Variants in SZT2 observed in about 807,000 individuals in gnomAD.
SZT2 encodes the protein KICSTOR complex protein SZT2.
SZT2 carries 216 observed loss-of-function variants against 404.2 expected under a neutral mutation model. The ratio of observed to expected loss-of-function variants is 0.53; its 90% CI spans 0.48 to 0.60. SZT2 has a LOEUF of 0.60. Among genes scored for constraint, SZT2 ranks in the 20% least tolerant of loss-of-function variants. The pLI, the probability that SZT2 is intolerant of heterozygous loss-of-function variation, is 0.00. For synonymous variants in SZT2, 1,693 were observed against 1,749.9 expected (o/e 0.97, Z 0.81); for missense variants, 3,857 against 4,459.2 (o/e 0.86, Z 3.85).
At position 43,439,194 on chromosome 1, in the gene SZT2, AT is replaced by A; in HGVS notation, c.6792+102del. On this transcript the variant is annotated intron_variant, in intron 48 of 71. Coordinates refer to ENST00000634258, the MANE Select transcript of SZT2 (RefSeq NM_001365999.1). The surrounding 1 kb of genome is among the most constrained non-coding windows in gnomAD (Gnocchi z 4.2). ...GATACCCCTATATGTACCTTTGCCC[AT>A]GGACCTGGGTACACCCATGCCCCCC... is the stretch of plus-strand genomic sequence containing the variant. 1 of 1,573,772 alleles carries A rather than the reference AT, an allele frequency of 6.4e-7. No individual in the cohort carries two copies. The highest frequency in any genetic ancestry group is 8.7e-7 in the Non-Finnish European group (1 of 1,151,114).
Position 43,428,370 on chromosome 1 carries a change from T to A in SZT2, c.4050T>A (p.Thr1350=). The part of the protein sequence containing the change: ...TPFLLALCGH[T]WGLPHAPPSP... The stretch of plus-strand genomic sequence containing the variant: ...TTCTCCTTGCATTGTGTGGCCACAC[T>A]TGGGGTTTGCCTCATGCACCCCCAA... Residue 1350 remains threonine (T), a synonymous_variant, in exon 28 of 72, where the codon ACT becomes ACA. Coordinates refer to ENST00000634258, the MANE Select transcript of SZT2 (RefSeq NM_001365999.1). The A allele has an allele frequency of 6.2e-7, 1 of 1,614,184 alleles. No individual in the cohort carries two copies. The highest frequency in any genetic ancestry group is 1.1e-5 in the South Asian group (1 of 91,088).
Position 43,441,393 on chromosome 1 carries a change from T to C in SZT2, c.7511+13T>C, listed in dbSNP as rs995403602. 1.9e-6 allele frequency: 3 copies of C among 1,613,638 alleles called. No individual in the cohort carries two copies. The stretch of plus-strand genomic sequence containing the variant: ...CCCAGAGACAAAAGTATGTGTGTGG[T>C]GGTGGTGTGCCCTGGGAGGGTATGG... On this transcript the variant is annotated intron_variant, in intron 53 of 71. Coordinates refer to ENST00000634258, the MANE Select transcript of SZT2 (RefSeq NM_001365999.1). This position sits in a 1 kb window ranked among gnomAD's most constrained non-coding sequence, Gnocchi z 4.8.
intron 2 of SZT2, 59 bp from the exon 3 acceptor site, chr1:43,403,542 C>T (rs905261181): frequency 6.4e-7 from 1 of 1,571,278 alleles, no homozygotes; most frequent in Admixed American, 1.7e-5. Flanking sequence ...GAAGGCAGGT[C>T]CTGGGAAGAA....
At chr1:43,409,167 A>G (rs1403462621) in intron 4 of SZT2, among the ~76,000 whole-genome samples, 1 of 152,260 alleles carries the variant, frequency 6.6e-6, no homozygotes, top group East Asian at 1.9e-4. Context: ...TCCTTGCTTC[A>G]GCACCTTGAA....
chr1:43,414,000 G>C (rs1317641692), intron 4 of SZT2, among the ~76,000 whole-genome samples: 2 of 152,184 alleles, frequency 1.3e-5, no homozygotes, highest in African/African-American at 4.8e-5. Flanking sequence ...TGCCTGAGGT[G>C]GGTAGGCATG....
At chr1:43,393,096 T>C (rs571621722) in intron 1 of SZT2, among the ~76,000 whole-genome samples, 1 of 152,024 alleles carries the variant, frequency 6.6e-6, no homozygotes, top group South Asian at 2.1e-4. Flanking sequence ...AGGCAAGGGG[T>C]TGTGAATAGG....
Position 43,454,032 on chromosome 1 carries a change from G to A in SZT2, c.*3552G>A, listed in dbSNP as rs1458067352. The A allele has an allele frequency of 3.5e-6, 4 of 1,157,942 alleles. No homozygotes were observed. The highest frequency in any genetic ancestry group is 4.2e-6 in the Non-Finnish European group (4 of 941,674). The allele number at this position is 1,157,942 out of a possible 1,614,324, so 71.7% of individuals were successfully genotyped here. A position where few individuals can be genotyped will look rare whatever the true frequency, so the allele number is the denominator to read the frequency against. Reference sequence around the variant, plus strand: ...CGGAGCGAGGGCGGCCGGAAAAGGAGCAGGACCCGCGCCTGGAGAAGGTAG... The same window carrying A: ...CGGAGCGAGGGCGGCCGGAAAAGGAACAGGACCCGCGCCTGGAGAAGGTAG... On this transcript the variant is annotated 3_prime_UTR_variant, in exon 72 of 72. Transcript: ENST00000634258.
rs756511147 is a variant in SZT2, at chr1:43,438,757, G to A, written c.6567G>A (p.Thr2189=). Reference sequence around the variant, plus strand: ...TATGTCGGCGCCTGGATGAGGCCACGCTGGACGTCATCACAGTTATGCTTG... The same window carrying A: ...TATGTCGGCGCCTGGATGAGGCCACACTGGACGTCATCACAGTTATGCTTG... ...RVLCRRLDEA[T]LDVITVMLVR... Residue 2189 remains threonine, a synonymous_variant, in exon 47 of 72, where the codon ACG becomes ACA. Transcript: ENST00000634258. The A allele has an allele frequency of 1.5e-5, 25 of 1,614,004 alleles. No individual in the cohort carries two copies. Among genetic ancestry groups the A allele is most frequent in the Admixed American group, 3.3e-5 (2 of 59,998 alleles).
At chr1:43,433,609 C>G (rs550918642) in intron 40 of SZT2, among the ~76,000 whole-genome samples, 3 of 152,272 alleles carry the variant, frequency 2.0e-5, no homozygotes, top group Non-Finnish European at 2.9e-5. Flanking sequence ...TGGTGAAACC[C>G]CGTCTCCATT....
chr1:43,446,164 T>TAA lies in SZT2; in HGVS notation c.8917-15_8917-14insAA, dbSNP rs767955411. 1.8e-5 allele frequency: 29 copies of TAA among 1,614,156 alleles called. No homozygotes were observed. The African/African-American group carries it at 2.8e-4, about 16-fold the overall frequency. On this transcript the variant is annotated splice_polypyrimidine_tract_variant and intron_variant, in intron 63 of 71. Coordinates refer to ENST00000634258, the MANE Select transcript of SZT2 (RefSeq NM_001365999.1). ...GGTGAGCCCCCAAACCTTGCCCCCT[T>TAA]TTTTGTTTCTTCAGAGCACTAGCTC...
chr1:43,404,230 A>T (rs1650024273), intron 3 of SZT2, 150 bp from the exon 4 acceptor site: 2 of 673,104 alleles, frequency 3.0e-6, no homozygotes, highest in Non-Finnish European at 4.9e-6. Flanking sequence ...TCCAAAAAAC[A>T]CCCCAGAAAC....
At chr1:43,403,819 G>T (rs751715919) in intron 3 of SZT2, 45 bp downstream of exon 3, 1 of 1,598,980 alleles carries the variant, frequency 6.3e-7, no homozygotes, top group Admixed American at 1.7e-5. Context: ...ATGGGGTGGG[G>T]TGTGAGGAGA....
At chr1:43,391,044 C>T (rs895974794) in intron 1 of SZT2, among the ~76,000 whole-genome samples, 1 of 152,172 alleles carries the variant, frequency 6.6e-6, no homozygotes, top group Admixed American at 6.5e-5. Flanking sequence ...AAGCCGGGCG[C>T]AGTGGCTTAC....
chr1:43,440,499 A>G lies in SZT2; in HGVS notation c.7257A>G (p.Arg2419=). 2 of 1,608,790 alleles carry G rather than the reference A, an allele frequency of 1.2e-6. No homozygotes were observed. The highest frequency in any genetic ancestry group is 1.7e-6 in the Non-Finnish European group (2 of 1,177,750). Reference sequence around the variant, plus strand: ...TGGAAACTAAGAGCTCTGCAGGCCGAGCTAGCACCTTTCCCCCTGCCCCTG... The same window carrying G: ...TGGAAACTAAGAGCTCTGCAGGCCGGGCTAGCACCTTTCCCCCTGCCCCTG... The part of the protein sequence containing the change: ...GSLETKSSAG[R]ASTFPPAPVP... The change falls in exon 52 of 72, where the codon CGA becomes CGG. Residue 2419 remains arginine, a synonymous_variant. Coordinates refer to ENST00000634258, the MANE Select transcript of SZT2 (RefSeq NM_001365999.1).
chr1:43,443,976 G>A (rs1047987948), intron 62 of SZT2, among the ~76,000 whole-genome samples, 180 bp downstream of exon 62: 3 of 152,164 alleles, frequency 2.0e-5, no homozygotes, highest in East Asian at 1.9e-4. Flanking sequence ...GCCCTCATGC[G>A]TGTCCTGCAG....
intron 42 of SZT2, chr1:43,435,972 G>C (rs1403913348): frequency 6.6e-6 from 1 of 152,192 alleles, no homozygotes; most frequent in Non-Finnish European, 1.5e-5. Flanking sequence ...GAGCCTGAAG[G>C]CCAGTAGAAT....
At chr1:43,404,312 C>T in intron 3 of SZT2, 68 bp from the exon 4 acceptor site, 5 of 1,379,904 alleles carry the variant, frequency 3.6e-6, no homozygotes, top group Non-Finnish European at 5.0e-6. Flanking sequence ...CCCATGGAAG[C>T]TGCATGTTTC....
Position 43,450,532 on chromosome 1 carries a change from C to T in SZT2, c.*52C>T, listed in dbSNP as rs561562297. On this transcript the variant is annotated 3_prime_UTR_variant, in exon 72 of 72. Coordinates refer to ENST00000634258, the MANE Select transcript of SZT2 (RefSeq NM_001365999.1). This position sits in a 1 kb window ranked among gnomAD's most constrained non-coding sequence, Gnocchi z 4.3. ...ACTGTTCCTTGAATCATGGGCCTAC[C>T]AGATTGCCTGCCAGAGGCAGGACTG... 9 of 1,608,036 alleles carry T rather than the reference C, an allele frequency of 5.6e-6. No individual in the cohort carries two copies. The highest frequency in any genetic ancestry group is 2.2e-5 in the East Asian group (1 of 44,766).
intron 7 of SZT2, among the ~76,000 whole-genome samples, chr1:43,418,717 G>T (rs1253351496): frequency 1.3e-5 from 2 of 152,152 alleles, no homozygotes; most frequent in African/African-American, 4.8e-5. Context: ...ATTTGAGAGC[G>T]ATGCTTATGA....
Sources: allele counts gnomAD v4.1 joint callset (sites outside exome capture counted in the v4.1 genomes callset), GRCh38; gene constraint gnomAD v4.1.1; non-coding constraint Gnocchi (gnomAD v3.1); transcripts MANE v1.5; gene names NCBI Gene and HGNC (gene_info 2026-07-23, HGNC 2026-07-21).